Variants in FAF1 observed in about 807,000 individuals in gnomAD.
FAF1 encodes FAS-associated factor 1.
FAF1 carries 25 observed loss-of-function variants against 92.5 expected under a neutral mutation model. That is an observed-to-expected ratio of 0.27 (90% CI 0.20 to 0.38). The LOEUF is 0.38. Among genes scored for constraint, FAF1 ranks in the 10% least tolerant of loss-of-function variants. FAF1 has a pLI of 1.00. For synonymous variants in FAF1, 234 were observed against 273.2 expected (o/e 0.86, Z 1.42); for missense variants, 636 against 793.3 (o/e 0.80, Z 2.38).
At chr1:50,821,508 A>G (rs1056450806) in intron 2 of FAF1, among the ~76,000 whole-genome samples, 1 of 152,238 alleles carries the variant, frequency 6.6e-6, no homozygotes, top group Non-Finnish European at 1.5e-5. Context: ...AAAGGCATAG[A>G]GCCTTCATAA....
At chr1:50,653,175 CAAA>C (rs145320522) in intron 8 of FAF1, among the ~76,000 whole-genome samples, 1 of 146,078 alleles carries the variant, frequency 6.8e-6, no homozygotes, top group Non-Finnish European at 1.5e-5. Flanking sequence ...AGAAAAACAA[CAAA>C]AAAAAAACCA....
intron 12 of FAF1, among the ~76,000 whole-genome samples, chr1:50,574,896 C>CTTTT (rs1558000811): frequency 8.1e-6 from 1 of 122,886 alleles, no homozygotes; most frequent in African/African-American, 3.3e-5. Flanking sequence ...GTTGTATTAA[C>CTTTT]TCTTTTTTTT....
intron 6 of FAF1, among the ~76,000 whole-genome samples, chr1:50,726,465 G>A (rs994215555): frequency 8.5e-5 from 13 of 152,148 alleles, no homozygotes; most frequent in Non-Finnish European, 1.5e-4. Flanking sequence ...GGGTGGCCGA[G>A]GCGGACAGAT....
At chr1:50,887,189 T>C (rs1043010651) in intron 1 of FAF1, among the ~76,000 whole-genome samples, 1 of 152,260 alleles carries the variant, frequency 6.6e-6, no homozygotes, top group Non-Finnish European at 1.5e-5. Context: ...TTTTGAGAAG[T>C]ACCTGTTCAC....
chr1:50,861,469 G>A (rs913156983), intron 1 of FAF1, among the ~76,000 whole-genome samples: 17 of 151,684 alleles, frequency 1.1e-4, no homozygotes, highest in African/African-American at 3.1e-4. Context: ...GTCAAAAACC[G>A]TATGTTCTTA....
chr1:50,817,217 G>A (rs903300519), intron 2 of FAF1, among the ~76,000 whole-genome samples: 4 of 152,080 alleles, frequency 2.6e-5, no homozygotes, highest in East Asian at 1.9e-4. Context: ...CATTATTTAC[G>A]ATAGATAAAA....
At chr1:50,725,281 T>C (rs912220525) in intron 6 of FAF1, among the ~76,000 whole-genome samples, 1 of 152,156 alleles carries the variant, frequency 6.6e-6, no homozygotes, top group Non-Finnish European at 1.5e-5. Context: ...CCCTAAGTCA[T>C]ACAGTGATTC....
intron 4 of FAF1, among the ~76,000 whole-genome samples, chr1:50,787,348 A>C (rs1661397337): frequency 6.6e-6 from 1 of 152,192 alleles, no homozygotes; most frequent in African/African-American, 2.4e-5. Flanking sequence ...AGGTCCTTTA[A>C]AAGGTGATTA....
chr1:50,704,634 GA>G (rs1657599633), intron 7 of FAF1, among the ~76,000 whole-genome samples: 1 of 151,972 alleles, frequency 6.6e-6, no homozygotes, highest in Non-Finnish European at 1.5e-5. Flanking sequence ...ACTCATTATG[GA>G]GGTTGAAAAT....
intron 1 of FAF1, among the ~76,000 whole-genome samples, chr1:50,904,243 A>C (rs1644818045): frequency 6.6e-6 from 1 of 152,184 alleles, no homozygotes. Context: ...TGAAGACATT[A>C]ATGAAATAAG....
chr1:50,927,526 G>A (rs1214678571), intron 1 of FAF1, among the ~76,000 whole-genome samples: 2 of 152,070 alleles, frequency 1.3e-5, no homozygotes, highest in African/African-American at 4.8e-5. Context: ...GGGCGGCAGA[G>A]TGAGACCCTG....
intron 1 of FAF1, among the ~76,000 whole-genome samples, chr1:50,910,659 C>G (rs1051185300): frequency 3.3e-5 from 5 of 151,898 alleles, no homozygotes; most frequent in African/African-American, 1.2e-4. Context: ...GTGAGCAAGG[C>G]TCCGTGGCCG....
chr1:50,889,662 T>C (rs956024887), intron 1 of FAF1, among the ~76,000 whole-genome samples: 7 of 152,238 alleles, frequency 4.6e-5, no homozygotes, highest in Admixed American at 4.6e-4. Flanking sequence ...AGTTTCCATG[T>C]AGTTGAGCAG....
At chr1:50,757,663 T>C (rs936950185) in intron 4 of FAF1, among the ~76,000 whole-genome samples, 2 of 152,184 alleles carry the variant, frequency 1.3e-5, no homozygotes, top group Admixed American at 6.5e-5. Context: ...GTTTCCTGTA[T>C]ATATCATACA....
intron 15 of FAF1, among the ~76,000 whole-genome samples, chr1:50,496,974 G>T (rs1392221004): frequency 6.6e-6 from 1 of 151,980 alleles, no homozygotes; most frequent in Non-Finnish European, 1.5e-5. Flanking sequence ...GTGTGGGGGT[G>T]AGGTGAAGAA....
intron 2 of FAF1, among the ~76,000 whole-genome samples, chr1:50,809,041 G>A (rs1449539241): frequency 6.6e-6 from 1 of 152,034 alleles, no homozygotes; most frequent in Non-Finnish European, 1.5e-5. Flanking sequence ...TAATATATAG[G>A]AGACTTCAAC....
intron 7 of FAF1, among the ~76,000 whole-genome samples, chr1:50,678,143 C>G (rs1431035000): frequency 6.6e-6 from 1 of 152,158 alleles, no homozygotes; most frequent in Non-Finnish European, 1.5e-5. Flanking sequence ...GTTAATAAAA[C>G]TGACATTGTG....
At chr1:50,575,273 A>G (rs747066026) in intron 12 of FAF1, among the ~76,000 whole-genome samples, 3 of 152,196 alleles carry the variant, frequency 2.0e-5, no homozygotes, top group Non-Finnish European at 4.4e-5. Context: ...TAATATGGGC[A>G]CTAAAGATTT....
chr1:50,527,868 C>CTCTCTCTCTCTCT (rs1491383904), intron 15 of FAF1, among the ~76,000 whole-genome samples: 50 of 56,996 alleles, frequency 8.8e-4, no homozygotes, highest in Non-Finnish European at 1.5e-3. Flanking sequence ...TCCCTCTCTC[C>CTCTCTCTCTCTCT]CTCTCTCTCT....
Sources: allele counts gnomAD v4.1 joint callset (sites outside exome capture counted in the v4.1 genomes callset), GRCh38; gene constraint gnomAD v4.1.1; transcripts MANE v1.5; gene names NCBI Gene and HGNC (gene_info 2026-07-23, HGNC 2026-07-21).